The following SRSF5 variants were observed in gnomAD, a reference collection of about 807,000 sequenced individuals.
SRSF5 encodes serine and arginine rich splicing factor 5.
Under a neutral mutation model 34.0 loss-of-function variants are expected in SRSF5, and 5 were observed. That is an observed-to-expected ratio of 0.15 (90% CI 0.08 to 0.31). The LOEUF is 0.31. SRSF5 is among the 10% of genes least tolerant of loss of function. The pLI is 1.00. For synonymous variants in SRSF5, 164 were observed against 117.7 expected (o/e 1.39, Z -2.55); for missense variants, 223 against 351.4 (o/e 0.63, Z 2.92).
intron 1 of SRSF5, 44 bp from the exon 2 acceptor site, chr14:69,768,092 CTG>C (rs1882754064): frequency 2.5e-6 from 4 of 1,602,952 alleles, no homozygotes; most frequent in South Asian, 1.1e-5. Context: ...AGGCGTTTCT[CTG>C]TGACAGTCAT....
intron 6 of SRSF5, 30 bp from the exon 7 acceptor site, chr14:69,770,965 T>A: frequency 1.3e-6 from 2 of 1,581,558 alleles, no homozygotes; most frequent in Non-Finnish European, 1.7e-6. Context: ...AGGATGTATA[T>A]ACTTTAAAAG....
intron 5 of SRSF5, chr14:69,769,730 C>G: frequency 1.4e-6 from 2 of 1,408,132 alleles, no homozygotes; most frequent in Non-Finnish European, 1.8e-6. Flanking sequence ...GTGATCTGAT[C>G]CCTAAGTTGA....
At position 69,768,905 on chromosome 14, in the gene SRSF5, A is replaced by AGGG; in HGVS notation, c.296+10_296+12dup. 6.2e-7 allele frequency: 1 copy of AGGG among 1,611,982 alleles called. No individual in the cohort carries two copies. Reference sequence around the variant, plus strand: ...CCTCGAAATGATAGACGGTATGTGAAGGGTGGATGGCTGCATTGAACAATT... The same window carrying AGGG: ...CCTCGAAATGATAGACGGTATGTGAAGGGGGGTGGATGGCTGCATTGAACAATT... On this transcript the variant is annotated intron_variant, in intron 4 of 7. Transcript: ENST00000557154.
chr14:69,767,617 G>C (rs765572371), intron 1 of SRSF5: 10 of 444,452 alleles, frequency 2.2e-5, no homozygotes, highest in Non-Finnish European at 3.6e-5. Flanking sequence ...GGGTTGCTGG[G>C]AGGAGAAGGG....
At position 69,771,587 on chromosome 14, in the gene SRSF5, G is replaced by C. The variant is rs1408874532; in HGVS notation, c.*126G>C. 8 of 759,978 alleles carry C rather than the reference G, an allele frequency of 1.1e-5. No individual in the cohort carries two copies. The highest frequency in any genetic ancestry group is 1.6e-5 in the Non-Finnish European group (8 of 513,160). 47.1% of individuals were successfully genotyped at this position (759,978 alleles called of 1,614,324 possible). The stretch of plus-strand genomic sequence containing the variant: ...TGTGGGGGTGGGATTTGGAAGGGGG[G>C]TTGGGTTGGGCTGGATATCTTTGTA... On this transcript the variant is annotated 3_prime_UTR_variant, in exon 8 of 8. Transcript: ENST00000557154.
Position 69,770,456 on chromosome 14 carries a change from C to T in SRSF5, c.367-11C>T, listed in dbSNP as rs1376475363. On this transcript the variant is annotated splice_polypyrimidine_tract_variant and intron_variant, in intron 5 of 7. Coordinates refer to ENST00000557154, the MANE Select transcript of SRSF5 (RefSeq NM_001320214.2). The stretch of plus-strand genomic sequence containing the variant: ...CCTCTTCTTTGCTTAACACAATTAT[C>T]TTGTGTTAAGGATCTCAAAGATTTC... The T allele has an allele frequency of 2.5e-6, 4 of 1,612,170 alleles. No homozygotes were observed. Among genetic ancestry groups the T allele is most frequent in the African/African-American group, 2.7e-5 (2 of 74,774 alleles).
chr14:69,767,810 G>T, intron 1 of SRSF5: 1 of 356,586 alleles, frequency 2.8e-6, no homozygotes, highest in Non-Finnish European at 5.5e-6. Flanking sequence ...GAGGGCGCGG[G>T]CGGCTCCGCC....
At chr14:69,767,603 A>G (rs762196925) in intron 1 of SRSF5, 1 of 452,716 alleles carries the variant, frequency 2.2e-6, no homozygotes, top group Non-Finnish European at 4.4e-6. Context: ...GACCCCCGAG[A>G]AGGGGGTTGC....
rs540204656 is a variant in SRSF5, at chr14:69,768,081, C to T, written c.-19-57C>T. On this transcript the variant is annotated intron_variant, in intron 1 of 7. Coordinates refer to ENST00000557154, the MANE Select transcript of SRSF5 (RefSeq NM_001320214.2). ...CCGTTGATGTTTTTGATTGTTTAAT[C>T]AGGCGTTTCTCTGTGACAGTCATTG... is the stretch of plus-strand genomic sequence containing the variant. 2.8e-4 allele frequency: 444 copies of T among 1,576,008 alleles called. 3 individuals carry two copies. In the African/African-American group the frequency reaches 5.5e-3, roughly 19 times the overall value.
At position 69,769,392 on chromosome 14, in the gene SRSF5, T is replaced by C; in HGVS notation, c.366+141T>C. 4 of 1,499,460 alleles carry C rather than the reference T, an allele frequency of 2.7e-6. No homozygotes were observed. The South Asian group carries it at 5.1e-5, about 19-fold the overall frequency. 92.9% of individuals were successfully genotyped at this position (1,499,460 alleles called of 1,614,324 possible). On this transcript the variant is annotated intron_variant, in intron 5 of 7. Coordinates refer to ENST00000557154, the MANE Select transcript of SRSF5 (RefSeq NM_001320214.2). ...TTGTAATTTTAAACATTTAATTAAATGTAATTTGGGGGATATTTTGAACTT... is the reference window on the plus strand; with the variant it reads ...TTGTAATTTTAAACATTTAATTAAACGTAATTTGGGGGATATTTTGAACTT...
Position 69,768,586 on chromosome 14 carries a change from CT to C in SRSF5, c.127-16del. The C allele has an allele frequency of 1.2e-6, 2 of 1,612,460 alleles. No individual in the cohort carries two copies. The highest frequency in any genetic ancestry group is 1.7e-6 in the Non-Finnish European group (2 of 1,178,512). ...CTCTTCTAAAGCCAATGTTAAGAGT[CT>C]TATGCTTACATTTTAGGAATTTGAG... On this transcript the variant is annotated splice_polypyrimidine_tract_variant and intron_variant, in intron 2 of 7. Transcript: ENST00000557154.
intron 2 of SRSF5, 22 bp from the exon 3 acceptor site, chr14:69,768,582 G>A: frequency 5.0e-6 from 8 of 1,610,698 alleles, no homozygotes; most frequent in Non-Finnish European, 6.8e-6. Context: ...CCAATGTTAA[G>A]AGTCTTATGC....
intron 5 of SRSF5, chr14:69,769,460 T>C: frequency 2.0e-6 from 3 of 1,534,062 alleles, no homozygotes; most frequent in Non-Finnish European, 2.6e-6. Context: ...GATATTTTTC[T>C]TGTTTTTTAA....
intron 2 of SRSF5, 34 bp downstream of exon 2, chr14:69,768,316 A>G: frequency 6.2e-7 from 1 of 1,611,030 alleles, no homozygotes. Context: ...TTATCTGCTA[A>G]GTAGGTAGAG....
At chr14:69,769,569 CT>C in intron 5 of SRSF5, 1 of 1,535,384 alleles carries the variant, frequency 6.5e-7, no homozygotes. Flanking sequence ...TAATCGTTGT[CT>C]TGGTCACTCT....
intron 1 of SRSF5, chr14:69,767,686 G>T (rs1566624305): frequency 2.7e-6 from 1 of 365,954 alleles, no homozygotes; most frequent in South Asian, 1.9e-5. Flanking sequence ...GCCATTTTGT[G>T]GCCGCAGAGC....
At chr14:69,770,067 TA>T (rs1883016396) in intron 5 of SRSF5, 1 of 1,026,114 alleles carries the variant, frequency 9.7e-7, no homozygotes. Flanking sequence ...TTTAATGACA[TA>T]TGGGGCACAA....
intron 4 of SRSF5, 110 bp downstream of exon 4, chr14:69,769,006 C>A: frequency 7.6e-7 from 1 of 1,312,348 alleles, no homozygotes; most frequent in Non-Finnish European, 1.1e-6. Flanking sequence ...ATCTGTTCTT[C>A]TATTCCCACG....
chr14:69,768,338 AGTT>A, intron 2 of SRSF5, 56 bp downstream of exon 2: 2 of 1,602,000 alleles, frequency 1.2e-6, no homozygotes, highest in South Asian at 1.1e-5. Context: ...TTTGATAAGC[AGTT>A]GTTTTCGATC....
Sources: gnomAD v4.1 joint callset for allele counts on GRCh38, gnomAD v4.1.1 for gene constraint, MANE v1.5 for transcripts, NCBI Gene and HGNC (gene_info 2026-07-23, HGNC 2026-07-21) for gene names.